FNBP1L: variants seen among roughly 807,000 people sequenced by gnomAD.
FNBP1L encodes formin-binding protein 1-like.
A neutral mutation model predicts 91.2 loss-of-function variants in FNBP1L; 36 were observed. The observed-to-expected ratio is 0.39, with a 90% CI of 0.30 to 0.52. The LOEUF is 0.52. FNBP1L is among the 20% of genes least tolerant of loss of function. FNBP1L has a pLI of 0.66. For missense variants in FNBP1L, 571 were observed against 732.1 expected, an observed-to-expected ratio of 0.78 and a Z score of 2.54; for synonymous variants, 242 against 237.0, an observed-to-expected ratio of 1.02 and a Z score of -0.19.
intron 1 of FNBP1L, among the ~76,000 whole-genome samples, chr1:93,480,501 G>A (rs1669660115): frequency 6.6e-6 from 1 of 152,150 alleles, no homozygotes; most frequent in African/African-American, 2.4e-5. Context: ...TTGATGCATT[G>A]GAGTGTGCTT....
At chr1:93,536,234 A>G in intron 9 of FNBP1L, 98 bp from the exon 10 acceptor site, 2 of 793,962 alleles carry the variant, frequency 2.5e-6, no homozygotes, top group Non-Finnish European at 3.5e-6. Context: ...TATTTGAGAT[A>G]TATTTTGTGA....
chr1:93,524,224 T>A, intron 4 of FNBP1L, 37 bp from the exon 5 acceptor site: 4 of 1,419,254 alleles, frequency 2.8e-6, no homozygotes, highest in African/African-American at 1.5e-5. Flanking sequence ...TTTTATTTTT[T>A]ATTTTTATTT....
chr1:93,459,007 G>T (rs941641336), intron 1 of FNBP1L, among the ~76,000 whole-genome samples: 11 of 152,194 alleles, frequency 7.2e-5, no homozygotes, highest in Non-Finnish European at 1.3e-4. Flanking sequence ...GAGCATGGTG[G>T]CTCACGCCTG....
At chr1:93,484,080 C>G (rs1339533608) in intron 1 of FNBP1L, among the ~76,000 whole-genome samples, 1 of 152,214 alleles carries the variant, frequency 6.6e-6, no homozygotes, top group Non-Finnish European at 1.5e-5. Flanking sequence ...AGGCGTGCGC[C>G]ACCATGCCCG....
At chr1:93,541,394 T>C (rs964293343) in intron 11 of FNBP1L, among the ~76,000 whole-genome samples, 4 of 152,188 alleles carry the variant, frequency 2.6e-5, no homozygotes, top group African/African-American at 4.8e-5. Context: ...CAAATATTAT[T>C]TTGCTTAATA....
rs12756976 is a variant in FNBP1L, at chr1:93,512,298, C to T, written c.141-9784C>T. On this transcript the variant is annotated intron_variant, in intron 2 of 16. Transcript: ENST00000271234. ...AAGTCCTGAGTGACCTACAAAGAGACTTAGACTCCCACACATTAATAATGG... is the reference window on the plus strand; with the variant it reads ...AAGTCCTGAGTGACCTACAAAGAGATTTAGACTCCCACACATTAATAATGG... 2.0e-5 allele frequency among the ~76,000 whole-genome samples: 3 copies of T among 151,950 alleles called. No homozygotes were observed. The East Asian group carries it at 5.8e-4, about 29-fold the overall frequency.
chr1:93,541,695 A>G (rs1320190747), intron 11 of FNBP1L, among the ~76,000 whole-genome samples: 3 of 152,120 alleles, frequency 2.0e-5, no homozygotes, highest in East Asian at 1.9e-4. Flanking sequence ...AAATTATTGT[A>G]TAGGAAGCTA....
rs1192822567 is a variant in FNBP1L at position 93,534,707 on chromosome 1, C to T, written c.789C>T (p.Asp263=). 2 of 1,560,430 alleles carry T rather than the reference C, an allele frequency of 1.3e-6. No homozygotes were observed. The highest frequency in any genetic ancestry group is 8.7e-7 in the Non-Finnish European group (1 of 1,149,776). The part of the protein sequence containing the change: ...LAAKSVDERR[D]SQMVVDSFKS... ...AAAACCTAGTTTCTTTTGTATAGGA[C>T]TCTCAAATGGTGGTAGACTCCTTCA... The change falls in exon 9 of 17, where the codon GAC becomes GAT. Residue 263 remains aspartate (D), a splice_region_variant and synonymous_variant. Coordinates refer to ENST00000271234, the MANE Select transcript of FNBP1L (RefSeq NM_001164473.3).
chr1:93,472,113 G>A (rs1341514678), intron 1 of FNBP1L, among the ~76,000 whole-genome samples: 4 of 152,268 alleles, frequency 2.6e-5, no homozygotes, highest in East Asian at 1.9e-4. Flanking sequence ...CTGGAATGAG[G>A]CCCAGAAATT....
At chr1:93,501,283 A>G (rs1670433334) in intron 2 of FNBP1L, among the ~76,000 whole-genome samples, 1 of 152,188 alleles carries the variant, frequency 6.6e-6, no homozygotes, top group South Asian at 2.1e-4. Flanking sequence ...GGAGTGCCCT[A>G]GCTCATTTTA....
At position 93,529,762 on chromosome 1, in the gene FNBP1L, AAATACTCCAAACCAACTTT is replaced by A; in HGVS notation, c.510+10_510+28del. 6.9e-7 allele frequency: 1 copy of A among 1,455,472 alleles called. No individual in the cohort carries two copies. Among genetic ancestry groups the A allele is most frequent in the Non-Finnish European group, 9.2e-7 (1 of 1,086,978 alleles). The allele number at this position is 1,455,472 out of a possible 1,614,324, so 90.2% of individuals were successfully genotyped here. Reference sequence around the variant, plus strand: ...CCAAGGCAGATGTTGAAAAGGTAAGAAATACTCCAAACCAACTTTAATGTCAAAATATTATTATTTGCAT... The same window carrying A: ...CCAAGGCAGATGTTGAAAAGGTAAGAAATGTCAAAATATTATTATTTGCAT... On this transcript the variant is annotated splice_region_variant and intron_variant, in intron 6 of 16. Coordinates refer to ENST00000271234, the MANE Select transcript of FNBP1L (RefSeq NM_001164473.3).
chr1:93,532,055 G>T (rs572034698), intron 7 of FNBP1L, among the ~76,000 whole-genome samples: 1 of 152,092 alleles, frequency 6.6e-6, no homozygotes, highest in Non-Finnish European at 1.5e-5. Flanking sequence ...TTTTCCTCAC[G>T]TATCCCCAGC....
At chr1:93,463,866 A>G (rs1449250088) in intron 1 of FNBP1L, among the ~76,000 whole-genome samples, 2 of 152,216 alleles carry the variant, frequency 1.3e-5, no homozygotes, top group Non-Finnish European at 2.9e-5. Flanking sequence ...CACATTTTAC[A>G]TTCTTTCCTG....
intron 1 of FNBP1L, among the ~76,000 whole-genome samples, chr1:93,478,641 A>C (rs1327566093): frequency 6.6e-6 from 1 of 152,194 alleles, no homozygotes; most frequent in Non-Finnish European, 1.5e-5. Context: ...GGGTACCTGT[A>C]TGTAGCCATG....
At chr1:93,544,776 C>T (rs1672164954) in intron 12 of FNBP1L, among the ~76,000 whole-genome samples, 1 of 152,052 alleles carries the variant, frequency 6.6e-6, no homozygotes, top group East Asian at 1.9e-4. Flanking sequence ...AAAATTGGGG[C>T]TTAAATTGTA....
At chr1:93,503,296 G>C (rs2101728474) in intron 2 of FNBP1L, among the ~76,000 whole-genome samples, 1 of 152,246 alleles carries the variant, frequency 6.6e-6, no homozygotes, top group East Asian at 1.9e-4. Flanking sequence ...CTAACTCACT[G>C]TTGTGAGAAC....
Position 93,544,058 on chromosome 1 carries a change from T to C in FNBP1L, c.1165-49T>C, listed in dbSNP as rs781503184. Reference sequence around the variant, plus strand: ...TTTTATAGCAGGTATATTTTAAAAATAAAATTTCCCGAAAATGTCTATTAT... The same window carrying C: ...TTTTATAGCAGGTATATTTTAAAAACAAAATTTCCCGAAAATGTCTATTAT... On this transcript the variant is annotated intron_variant, in intron 11 of 16. Coordinates refer to ENST00000271234, the MANE Select transcript of FNBP1L (RefSeq NM_001164473.3). 23 of 1,375,208 alleles carry C rather than the reference T, an allele frequency of 1.7e-5. No individual in the cohort carries two copies. In the South Asian group the frequency reaches 3.0e-4, roughly 18 times the overall value. 85.2% of individuals were successfully genotyped at this position (1,375,208 alleles called of 1,614,324 possible). A position where few individuals can be genotyped will look rare whatever the true frequency, so the allele number is the denominator to read the frequency against.
intron 15 of FNBP1L, among the ~76,000 whole-genome samples, chr1:93,550,564 A>G (rs1040710076): frequency 3.5e-4 from 53 of 152,082 alleles, no homozygotes; most frequent in African/African-American, 1.2e-3. Flanking sequence ...CTCTTTTGCT[A>G]TCTGGTTACT....
At chr1:93,487,892 T>G (rs1254738612) in intron 1 of FNBP1L, among the ~76,000 whole-genome samples, 1 of 152,212 alleles carries the variant, frequency 6.6e-6, no homozygotes, top group Non-Finnish European at 1.5e-5. Context: ...GCAGGACCAC[T>G]ACTATTAATT....
Sources: gnomAD v4.1 joint callset for allele counts (sites outside exome capture counted in the v4.1 genomes callset) on GRCh38, gnomAD v4.1.1 for gene constraint, MANE v1.5 for transcripts, NCBI Gene and HGNC (gene_info 2026-07-23, HGNC 2026-07-21) for gene names.